The following MEGF9 variants were observed in gnomAD, a reference collection of about 807,000 sequenced individuals.
The protein encoded by MEGF9 is multiple EGF like domains 9, also known as multiple epidermal growth factor-like domains protein 9.
In MEGF9, 6 loss-of-function variants were observed where a neutral mutation model predicts 46.8. The ratio of observed to expected loss-of-function variants is 0.13; its 90% CI spans 0.07 to 0.25. The LOEUF (loss-of-function observed/expected upper bound fraction) is 0.25, where lower values mean the gene tolerates loss of function less well. Ranked by LOEUF, MEGF9 falls within the 10% of genes least tolerant of loss-of-function variation. The pLI, the probability that MEGF9 is intolerant of heterozygous loss-of-function variation, is 1.00. For missense variants in MEGF9, 683 were observed against 792.4 expected (o/e 0.86, Z 1.66); for synonymous variants, 302 against 330.7 (o/e 0.91, Z 0.94).
chr9:120,704,346 A>G (rs1013073972), intron 1 of MEGF9, among the ~76,000 whole-genome samples: 2 of 152,108 alleles, frequency 1.3e-5, no homozygotes, highest in African/African-American at 2.4e-5. Flanking sequence ...AAAAAAAAAA[A>G]AGAGATGAAA....
At chr9:120,637,037 C>T (rs1050271439) in intron 2 of MEGF9, among the ~76,000 whole-genome samples, 2 of 152,210 alleles carry the variant, frequency 1.3e-5, no homozygotes, top group African/African-American at 4.8e-5. Context: ...GTTATTGTGT[C>T]TGTGTAGAAA....
chr9:120,621,624 T>C (rs1416196447), intron 3 of MEGF9, among the ~76,000 whole-genome samples: 1 of 152,224 alleles, frequency 6.6e-6, no homozygotes, highest in Non-Finnish European at 1.5e-5. Context: ...CTAAGTTGAC[T>C]CTAACACCTA....
At chr9:120,658,868 G>A (rs1445414311) in intron 2 of MEGF9, among the ~76,000 whole-genome samples, 1 of 152,098 alleles carries the variant, frequency 6.6e-6, no homozygotes, top group Non-Finnish European at 1.5e-5. Context: ...AAAATGTACT[G>A]GTAAATAGAG....
intron 2 of MEGF9, among the ~76,000 whole-genome samples, chr9:120,623,666 C>T (rs567094136): frequency 1.6e-4 from 24 of 152,204 alleles, no homozygotes; most frequent in Non-Finnish European, 2.5e-4. Context: ...CACACATATA[C>T]GGTCTTACAC....
intron 1 of MEGF9, among the ~76,000 whole-genome samples, chr9:120,706,652 T>C (rs2043930394): frequency 6.6e-6 from 1 of 152,096 alleles, no homozygotes; most frequent in Non-Finnish European, 1.5e-5. Flanking sequence ...CTGGGCAACA[T>C]GGCAAAATCC....
At chr9:120,636,606 T>C (rs2043575418) in intron 2 of MEGF9, among the ~76,000 whole-genome samples, 1 of 152,194 alleles carries the variant, frequency 6.6e-6, no homozygotes, top group African/African-American at 2.4e-5. Flanking sequence ...AGCCACAACT[T>C]GCAACAGTTA....
intron 2 of MEGF9, among the ~76,000 whole-genome samples, chr9:120,650,820 G>A (rs1217567226): frequency 6.8e-6 from 1 of 146,824 alleles, no homozygotes; most frequent in East Asian, 2.0e-4. Flanking sequence ...GAATTTTCAT[G>A]TTTTTTTTTT....
chr9:120,639,605 C>T (rs920200794), intron 2 of MEGF9, among the ~76,000 whole-genome samples: 1 of 147,392 alleles, frequency 6.8e-6, no homozygotes, highest in Non-Finnish European at 1.5e-5. Flanking sequence ...AAATAAATTA[C>T]TTAATCTCTT....
At chr9:120,670,316 C>A (rs2043743028) in intron 1 of MEGF9, among the ~76,000 whole-genome samples, 1 of 152,122 alleles carries the variant, frequency 6.6e-6, no homozygotes, top group Non-Finnish European at 1.5e-5. Flanking sequence ...AGGCTGGTCT[C>A]AAACTCCTGA....
intron 2 of MEGF9, among the ~76,000 whole-genome samples, chr9:120,646,433 A>G (rs1026154257): frequency 2.6e-5 from 4 of 152,152 alleles, no homozygotes; most frequent in African/African-American, 9.7e-5. Flanking sequence ...TCCACTTGAC[A>G]TCTTCAGTAA....
At chr9:120,649,274 C>T (rs1886338) in intron 2 of MEGF9, among the ~76,000 whole-genome samples, 146,259 of 152,330 alleles carry the variant, frequency 0.96, 70,250 homozygotes, top group East Asian at 1. Flanking sequence ...TAAGATACAC[C>T]GTAGAGCTAG....
At chr9:120,705,997 C>G (rs1333747857) in intron 1 of MEGF9, among the ~76,000 whole-genome samples, 2 of 152,138 alleles carry the variant, frequency 1.3e-5, no homozygotes, top group African/African-American at 2.4e-5. Flanking sequence ...TCATCTAACA[C>G]TGTCTTTCAG....
intron 1 of MEGF9, among the ~76,000 whole-genome samples, chr9:120,687,873 A>C (rs2043830476): frequency 6.6e-6 from 1 of 152,014 alleles, no homozygotes; most frequent in Admixed American, 6.6e-5. Context: ...TACAGGAGAA[A>C]ATTCAGATAT....
Position 120,605,674 on chromosome 9 carries a change from G to T in MEGF9, c.1358-33C>A. Reference sequence around the variant, plus strand: ...TAAAAACAGAGAATGAAATGTAAAAGACAAAATTATCTAGTTTTGAGAAAC... The same window carrying T: ...TAAAAACAGAGAATGAAATGTAAAATACAAAATTATCTAGTTTTGAGAAAC... On this transcript the variant is annotated intron_variant, in intron 5 of 5. Transcript: ENST00000373930. The surrounding 1 kb of genome is among the most constrained non-coding windows in gnomAD (Gnocchi z 4.0). 6.9e-7 allele frequency: 1 copy of T among 1,442,908 alleles called. No individual in the cohort carries two copies. Among genetic ancestry groups the T allele is most frequent in the Non-Finnish European group, 9.3e-7 (1 of 1,070,666 alleles). 89.4% of individuals were successfully genotyped at this position (1,442,908 alleles called of 1,614,324 possible).
In MEGF9 at chr9:120,605,265, C is replaced by A. The variant is rs777949260; in HGVS notation, c.1734G>T (p.Leu578Phe). The change falls in exon 6 of 6, where the codon TTG becomes TTT. Residue 578 changes from leucine to phenylalanine, a missense_variant. Leu to Phe is a conservative substitution (Grantham distance 22, BLOSUM62 0). Coordinates refer to ENST00000373930, the MANE Select transcript of MEGF9 (RefSeq NM_001080497.3). This position sits in a 1 kb window ranked among gnomAD's most constrained non-coding sequence, Gnocchi z 4.0. Reference sequence around the variant, plus strand: ...GAGCCACTTCATTGCCATCATCTTCCAACAATCCCGAAACATCTGCATTGG... The same window carrying A: ...GAGCCACTTCATTGCCATCATCTTCAAACAATCCCGAAACATCTGCATTGG... ...SIPNADVSGL[L>F]EDDGNEVAPN... 1 of 1,614,002 alleles carries A rather than the reference C, an allele frequency of 6.2e-7. No homozygotes were observed.
chr9:120,687,551 C>T (rs2043828200), intron 1 of MEGF9, among the ~76,000 whole-genome samples: 1 of 151,876 alleles, frequency 6.6e-6, no homozygotes, highest in East Asian at 1.9e-4. Context: ...GGAAACTATA[C>T]AGCAAACTTG....
intron 2 of MEGF9, among the ~76,000 whole-genome samples, chr9:120,631,159 G>A (rs1485337013): frequency 3.3e-5 from 5 of 152,108 alleles, no homozygotes; most frequent in African/African-American, 9.7e-5. Context: ...TTTTGTATAT[G>A]GTGAGAGATA....
intron 1 of MEGF9, among the ~76,000 whole-genome samples, chr9:120,685,508 TA>T: frequency 6.6e-6 from 1 of 152,328 alleles, no homozygotes; most frequent in East Asian, 1.9e-4. Context: ...AGACTATGGC[TA>T]AATGATATCT....
chr9:120,709,657 G>T (rs907065489), intron 1 of MEGF9, among the ~76,000 whole-genome samples: 1 of 152,174 alleles, frequency 6.6e-6, no homozygotes, highest in Non-Finnish European at 1.5e-5. Context: ...AGAAATTTCA[G>T]CTAAGCCTAT....
Sources: allele counts gnomAD v4.1 joint callset (sites outside exome capture counted in the v4.1 genomes callset), GRCh38; gene constraint gnomAD v4.1.1; non-coding constraint Gnocchi (gnomAD v3.1); transcripts MANE v1.5; gene names NCBI Gene and HGNC (gene_info 2026-07-23, HGNC 2026-07-21).